Variants in SARM1 observed in about 807,000 individuals in gnomAD.
The protein encoded by SARM1 is sterile alpha and TIR motif containing 1.
SARM1 carries 60 observed loss-of-function variants against 65.1 expected under a neutral mutation model. The ratio of observed to expected loss-of-function variants is 0.92; its 90% CI spans 0.75 to 1.14. The LOEUF (loss-of-function observed/expected upper bound fraction) is 1.14. Ranked by LOEUF, SARM1 falls within the 50% of genes most tolerant of loss-of-function variation. The pLI is 0.00. For missense variants in SARM1, 913 were observed against 1,015.7 expected (o/e 0.90, Z 1.37); for synonymous variants, 417 against 465.4 (o/e 0.90, Z 1.34).
chr17:28,392,067 G>A (rs1262902320), intron 7 of SARM1, among the ~76,000 whole-genome samples: 2 of 151,676 alleles, frequency 1.3e-5, no homozygotes, highest in Non-Finnish European at 2.9e-5. Context: ...CAACCAGCTA[G>A]GTGATCCTGA....
In SARM1 at chr17:28,388,533, G is replaced by A. The variant is rs1555586442; in HGVS notation, c.1917G>A (p.Val639=). Residue 639 remains valine, a synonymous_variant, in exon 7 of 9, where the codon GTG becomes GTA. Coordinates refer to ENST00000585482, the MANE Select transcript of SARM1 (RefSeq NM_015077.4). ...CMQDHDCKDW[V]HKEIVTALSC... The stretch of plus-strand genomic sequence containing the variant: ...AAGACCATGACTGCAAGGATTGGGT[G>A]CATAAGGTAGGTGCCTGCCTATGCT... 5 of 1,612,752 alleles carry A rather than the reference G, an allele frequency of 3.1e-6. No homozygotes were observed. In the Admixed American group the frequency reaches 8.3e-5, roughly 27 times the overall value.
chr17:28,388,264 C>G lies in SARM1; in HGVS notation c.1721C>G (p.Ser574Cys). The change falls in exon 6 of 9, where the codon TCC (serine) becomes TGC (cysteine). Residue 574 changes from serine to cysteine, a missense_variant. Around this residue, in one of 3 missense-constraint regions of SARM1, gnomAD observed 862 missense variants for 952.1 expected, o/e 0.91. Coordinates refer to ENST00000585482, the MANE Select transcript of SARM1 (RefSeq NM_015077.4). ...VFISYRRNSG[S>C]QLASLLKVHL... ...ATCAGCTACCGCCGGAACTCAGGTT[C>G]CCAGCTGGCCAGGTGAGGAGGGGCG... is the stretch of plus-strand genomic sequence containing the variant. 6.4e-7 allele frequency: 1 copy of G among 1,555,930 alleles called. No individual in the cohort carries two copies. The highest frequency in any genetic ancestry group is 8.7e-7 in the Non-Finnish European group (1 of 1,150,042).
chr17:28,390,875 G>A (rs2068076245), intron 7 of SARM1, among the ~76,000 whole-genome samples: 1 of 152,180 alleles, frequency 6.6e-6, no homozygotes. Flanking sequence ...ATACATCTTG[G>A]TACTGCTTTC....
rs530896320 is a variant in SARM1, at chr17:28,381,775, A to G, written c.1043A>G (p.Tyr348Cys). ...RLEAQCIGAFYLCAEAAIKSL... is the reference protein window; with the variant it reads ...RLEAQCIGAFCLCAEAAIKSL... ...GAGGCGCAGTGCATCGGGGCTTTCTACCTCTGCGCCGAGGCTGCCATCAAG... is the reference window on the plus strand; with the variant it reads ...GAGGCGCAGTGCATCGGGGCTTTCTGCCTCTGCGCCGAGGCTGCCATCAAG... Residue 348 changes from tyrosine (Y) to cysteine (C), a missense_variant, in exon 2 of 9, where the codon TAC (tyrosine) becomes TGC (cysteine). By Grantham distance (194) the Tyr-to-Cys change is radical. Coordinates refer to ENST00000585482, the MANE Select transcript of SARM1 (RefSeq NM_015077.4). 28 of 1,468,182 alleles carry G rather than the reference A, an allele frequency of 1.9e-5. No homozygotes were observed. The highest frequency in any genetic ancestry group is 2.5e-5 in the Non-Finnish European group (28 of 1,109,498). The allele number at this position is 1,468,182 out of a possible 1,614,324, so 90.9% of individuals were successfully genotyped here. A position where few individuals can be genotyped will look rare whatever the true frequency, so the allele number is the denominator to read the frequency against.
At chr17:28,387,061 A>C (rs1337848523) in intron 5 of SARM1, among the ~76,000 whole-genome samples, 1 of 152,148 alleles carries the variant, frequency 6.6e-6, no homozygotes, top group Non-Finnish European at 1.5e-5. Context: ...TTTAAACAAC[A>C]GGAAAATCCT....
chr17:28,380,057 CT>C (rs61029083), intron 1 of SARM1, among the ~76,000 whole-genome samples: 10,391 of 106,072 alleles, frequency 0.098, 516 homozygotes, highest in East Asian at 0.25. Context: ...TTTTTCTTTT[CT>C]TTTTTTTTTT....
At chr17:28,377,989 C>T (rs952717951) in intron 1 of SARM1, among the ~76,000 whole-genome samples, 4 of 152,182 alleles carry the variant, frequency 2.6e-5, no homozygotes, top group Non-Finnish European at 5.9e-5. Flanking sequence ...TGAGCCACTG[C>T]GCCCGGCCAT....
In SARM1 at chr17:28,377,378, C is replaced by G. The variant is rs200744102; in HGVS notation, c.471-3825C>G. Among the ~76,000 whole-genome samples, 3 of 152,158 alleles carry G rather than the reference C, an allele frequency of 2.0e-5. No individual in the cohort carries two copies. The East Asian group carries it at 5.8e-4, about 29-fold the overall frequency. On this transcript the variant is annotated intron_variant, in intron 1 of 8. Coordinates refer to ENST00000585482, the MANE Select transcript of SARM1 (RefSeq NM_015077.4). ...GCCGAAGTGGGAGGATTGTTTGAGC[C>G]CAGGAGTTTGAGACCAGCCTGGGCA...
At position 28,399,829 on chromosome 17, in the gene SARM1, C is replaced by A; in HGVS notation, c.*3543C>A. ...TGGTCCAGGTAGCTCTCCTGAACCT[C>A]CTCCTTCCCCAAGCTGAGAAGCTGA... On this transcript the variant is annotated 3_prime_UTR_variant, in exon 9 of 9. Transcript: ENST00000585482. 1.0e-6 allele frequency: 1 copy of A among 978,382 alleles called. No homozygotes were observed. The highest frequency in any genetic ancestry group is 2.4e-5 in the East Asian group (1 of 40,862). The allele number at this position is 978,382 out of a possible 1,614,324, so 60.6% of individuals were successfully genotyped here.
chr17:28,379,121 A>G (rs2068007752), intron 1 of SARM1, among the ~76,000 whole-genome samples: 1 of 152,038 alleles, frequency 6.6e-6, no homozygotes, highest in South Asian at 2.1e-4. Flanking sequence ...TGCCCATCTA[A>G]CAGGTGTAAA....
At chr17:28,379,297 A>ATTT (rs1555584909) in intron 1 of SARM1, among the ~76,000 whole-genome samples, 4 of 118,470 alleles carry the variant, frequency 3.4e-5, no homozygotes, top group African/African-American at 1.3e-4. Flanking sequence ...CTCCATTTAG[A>ATTT]TCTTTTTTTT....
chr17:28,384,960 G>T lies in SARM1; in HGVS notation c.1394+30G>T. 1 of 1,583,806 alleles carries T rather than the reference G, an allele frequency of 6.3e-7. No individual in the cohort carries two copies. Among genetic ancestry groups the T allele is most frequent in the Non-Finnish European group, 8.6e-7 (1 of 1,164,696 alleles). On this transcript the variant is annotated intron_variant, in intron 4 of 8. Transcript: ENST00000585482. The surrounding 1 kb of genome is among the most constrained non-coding windows in gnomAD (Gnocchi z 4.4). ...GGAGCCTCCTGCCCGCCGGACCCCA[G>T]CTAGGTCTAAATAAGCTCCCCCTCC...
chr17:28,399,904 T>G lies in SARM1; in HGVS notation c.*3618T>G. On this transcript the variant is annotated 3_prime_UTR_variant, in exon 9 of 9. Coordinates refer to ENST00000585482, the MANE Select transcript of SARM1 (RefSeq NM_015077.4). The stretch of plus-strand genomic sequence containing the variant: ...CATGGCTCTGGAAAATAACTTTTTT[T>G]TTTTTAAGAGACAGGGTCTTGCTCT... The G allele has an allele frequency of 1.7e-6, 1 of 598,400 alleles. No individual in the cohort carries two copies. Among genetic ancestry groups the G allele is most frequent in the Non-Finnish European group, 3.0e-6 (1 of 336,158 alleles). 37.1% of individuals were successfully genotyped at this position (598,400 alleles called of 1,614,324 possible).
Position 28,371,790 on chromosome 17 carries a change from G to T in SARM1, c.-243G>T. The T allele has an allele frequency of 2.5e-6, 1 of 398,208 alleles. No individual in the cohort carries two copies. The highest frequency in any genetic ancestry group is 4.5e-6 in the Non-Finnish European group (1 of 223,744). 24.7% of individuals were successfully genotyped at this position (398,208 alleles called of 1,614,324 possible). ...GTCCGGAGCCATCCCTCGCCTGCTC[G>T]CTCTCTCCTTTCGCCCACTCCCTGC... On this transcript the variant is annotated 5_prime_UTR_variant, in exon 1 of 9. Coordinates refer to ENST00000585482, the MANE Select transcript of SARM1 (RefSeq NM_015077.4).
At chr17:28,388,047 G>T (rs1241782126) in intron 5 of SARM1, 127 bp from the exon 6 acceptor site, 5 of 737,148 alleles carry the variant, frequency 6.8e-6, no homozygotes, top group African/African-American at 1.7e-5. Context: ...TTTGGGGCAG[G>T]CCACCCTCCC....
At chr17:28,389,489 G>A (rs1435571467) in intron 7 of SARM1, among the ~76,000 whole-genome samples, 1 of 152,138 alleles carries the variant, frequency 6.6e-6, no homozygotes, top group Non-Finnish European at 1.5e-5. Flanking sequence ...GCATCTTCAG[G>A]TTATTAATCA....
chr17:28,386,336 G>T (rs1017092336), intron 5 of SARM1, among the ~76,000 whole-genome samples: 1 of 152,058 alleles, frequency 6.6e-6, no homozygotes, highest in Non-Finnish European at 1.5e-5. Context: ...ATCAGTTTGA[G>T]GAGTTTTGAA....
rs1555589158 is a variant in SARM1, at chr17:28,399,994, A to C, written c.*3708A>C. On this transcript the variant is annotated 3_prime_UTR_variant, in exon 9 of 9. Coordinates refer to ENST00000585482, the MANE Select transcript of SARM1 (RefSeq NM_015077.4). ...CTGTACCCTTGAACTCCTGGGCTCAAGTGATCCTCCTGCCTCAGCCTCCTT... is the reference window on the plus strand; with the variant it reads ...CTGTACCCTTGAACTCCTGGGCTCACGTGATCCTCCTGCCTCAGCCTCCTT... 1 of 423,450 alleles carries C rather than the reference A, an allele frequency of 2.4e-6. No homozygotes were observed. Among genetic ancestry groups the C allele is most frequent in the Non-Finnish European group, 4.4e-6 (1 of 228,798 alleles). The allele number at this position is 423,450 out of a possible 1,614,324, so 26.2% of individuals were successfully genotyped here.
At chr17:28,390,679 A>G (rs80210160) in intron 7 of SARM1, among the ~76,000 whole-genome samples, 4 of 143,596 alleles carry the variant, frequency 2.8e-5, no homozygotes, top group African/African-American at 1.0e-4. Flanking sequence ...TGGGCAAGAT[A>G]AAAAAAAAAA....
Sources: allele counts gnomAD v4.1 joint callset (sites outside exome capture counted in the v4.1 genomes callset), GRCh38; gene constraint gnomAD v4.1.1; regional missense constraint gnomAD v4.1.1; non-coding constraint Gnocchi (gnomAD v3.1); transcripts MANE v1.5; gene names NCBI Gene and HGNC (gene_info 2026-07-23, HGNC 2026-07-21).